Variants in CARS2 observed in about 807,000 individuals in gnomAD.
The protein encoded by CARS2 is cysteinyl-tRNA synthetase 2, mitochondrial.
Under a neutral mutation model 68.8 loss-of-function variants are expected in CARS2, and 52 were observed. The observed-to-expected ratio is 0.76, with a 90% CI of 0.61 to 0.95. The LOEUF is 0.95. CARS2 is among the 40% of genes least tolerant of loss of function. CARS2 has a pLI of 0.00. For synonymous variants in CARS2, 314 were observed against 303.6 expected, an observed-to-expected ratio of 1.03 and a Z score of -0.36; for missense variants, 780 against 754.2, an observed-to-expected ratio of 1.03 and a Z score of -0.40.
At chr13:110,711,561 G>A (rs1434043270) in intron 1 of CARS2, among the ~76,000 whole-genome samples, 1 of 152,194 alleles carries the variant, frequency 6.6e-6, no homozygotes, top group African/African-American at 2.4e-5. Flanking sequence ...AATAAATCTT[G>A]TAGAAACTAA....
intron 11 of CARS2, 180 bp downstream of exon 11, chr13:110,646,921 A>G: frequency 1.5e-6 from 1 of 685,288 alleles, no homozygotes; most frequent in Non-Finnish European, 2.3e-6. Flanking sequence ...CCCTGACCCC[A>G]CACCTGCACC....
intron 8 of CARS2, chr13:110,664,504 G>T: frequency 1.3e-6 from 1 of 742,402 alleles, no homozygotes; most frequent in Non-Finnish European, 1.6e-6. Context: ...GCCACAGAGC[G>T]AGACTCTGCC....
chr13:110,705,850 C>A lies in CARS2; in HGVS notation c.224+20G>T. The stretch of plus-strand genomic sequence containing the variant: ...CGCCACGATCGGCCCCCGCCCGTGC[C>A]CCAGTCCCGCGCGGCCCACCAGGAG... On this transcript the variant is annotated intron_variant, in intron 1 of 14. Coordinates refer to ENST00000257347, the MANE Select transcript of CARS2 (RefSeq NM_024537.4). This position sits in a 1 kb window ranked among gnomAD's most constrained non-coding sequence, Gnocchi z 4.0. The A allele has an allele frequency of 2.6e-6, 4 of 1,546,178 alleles. No individual in the cohort carries two copies. The highest frequency in any genetic ancestry group is 2.4e-5 in the East Asian group (1 of 41,368).
chr13:110,692,003 A>AT (rs1348225099), intron 3 of CARS2, among the ~76,000 whole-genome samples: 1,894 of 91,338 alleles, frequency 0.021, 21 homozygotes, highest in African/African-American at 0.044. Flanking sequence ...AAAAAAAAAA[A>AT]ATATATATAT....
intron 4 of CARS2, 43 bp from the exon 5 acceptor site, chr13:110,687,869 G>A (rs906462296): frequency 6.4e-7 from 1 of 1,553,706 alleles, no homozygotes; most frequent in Non-Finnish European, 8.9e-7. Context: ...CTCGTGAGAA[G>A]CACAGGTCAG....
At chr13:110,649,041 C>T (rs140503637) in intron 10 of CARS2, 1 of 152,396 alleles carries the variant, frequency 6.6e-6, no homozygotes, top group Non-Finnish European at 1.5e-5. Flanking sequence ...CCGCCTCTGC[C>T]CGTTTCCAGC....
upstream of CARS2, among the ~76,000 whole-genome samples, chr13:110,709,306 C>T (rs2064007769): frequency 6.6e-6 from 1 of 151,948 alleles, no homozygotes; most frequent in South Asian, 2.1e-4. Flanking sequence ...GTTAGTCAGG[C>T]TGGTCTTGAA....
chr13:110,688,120 C>T, intron 3 of CARS2, 102 bp from the exon 4 acceptor site: 1 of 678,848 alleles, frequency 1.5e-6, no homozygotes, highest in Non-Finnish European at 2.5e-6. Flanking sequence ...AGCAAACATA[C>T]CCCGGCCACC....
chr13:110,665,749 G>A lies in CARS2; in HGVS notation c.919+1591C>T. ...AGCCCTGAACGAAGTCAACGAGGAAGTGACTTCGGGGCAATCAGCCTCATC... is the reference window on the plus strand; with the variant it reads ...AGCCCTGAACGAAGTCAACGAGGAAATGACTTCGGGGCAATCAGCCTCATC... On this transcript the variant is annotated intron_variant, in intron 8 of 14. Coordinates refer to ENST00000257347, the MANE Select transcript of CARS2 (RefSeq NM_024537.4). The surrounding 1 kb of genome is among the most constrained non-coding windows in gnomAD (Gnocchi z 4.3). 12 of 985,432 alleles carry A rather than the reference G, an allele frequency of 1.2e-5. No individual in the cohort carries two copies. The highest frequency in any genetic ancestry group is 1.4e-5 in the Non-Finnish European group (12 of 829,934). The allele number at this position is 985,432 out of a possible 1,614,324, so 61.0% of individuals were successfully genotyped here.
At chr13:110,671,264 A>G (rs1425266038) in intron 7 of CARS2, among the ~76,000 whole-genome samples, 2 of 152,202 alleles carry the variant, frequency 1.3e-5, no homozygotes, top group African/African-American at 4.8e-5. Flanking sequence ...CATAATTGTC[A>G]GATTCACCAA....
intron 10 of CARS2, among the ~76,000 whole-genome samples, chr13:110,647,748 G>A (rs1888344221): frequency 6.6e-6 from 1 of 152,286 alleles, no homozygotes; most frequent in South Asian, 2.1e-4. Flanking sequence ...GTGTTTCTTA[G>A]GCCACCTGGA....
At chr13:110,712,225 C>G (rs1211462662) in intron 1 of CARS2, 1 of 153,370 alleles carries the variant, frequency 6.5e-6, no homozygotes, top group Non-Finnish European at 1.5e-5. Context: ...CAGGCAGCAC[C>G]ACCAACCCGG....
In CARS2 at chr13:110,705,673, G is replaced by T. The variant is rs1271179664; in HGVS notation, c.225-102C>A. On this transcript the variant is annotated intron_variant, in intron 1 of 14. Transcript: ENST00000257347. The surrounding 1 kb of genome is among the most constrained non-coding windows in gnomAD (Gnocchi z 4.0). Reference sequence around the variant, plus strand: ...TATAATTTTTAAAGTAATCACTTCTGGGGGATGAATAGCCGGGGTTTTCAT... The same window carrying T: ...TATAATTTTTAAAGTAATCACTTCTTGGGGATGAATAGCCGGGGTTTTCAT... The T allele has an allele frequency of 6.8e-7, 1 of 1,465,350 alleles. No individual in the cohort carries two copies. The highest frequency in any genetic ancestry group is 1.2e-5 in the South Asian group (1 of 84,320). 90.8% of individuals were successfully genotyped at this position (1,465,350 alleles called of 1,614,324 possible).
chr13:110,699,902 G>C (rs2063734051), intron 3 of CARS2, among the ~76,000 whole-genome samples: 3 of 152,230 alleles, frequency 2.0e-5, no homozygotes, highest in Admixed American at 2.0e-4. Context: ...CATCCACTGT[G>C]TCTTCCCAAA....
chr13:110,694,274 C>T (rs868194273), intron 3 of CARS2, among the ~76,000 whole-genome samples: 1 of 151,692 alleles, frequency 6.6e-6, no homozygotes, highest in Non-Finnish European at 1.5e-5. Context: ...GATCCTCCCA[C>T]CTCGGCCTCC....
chr13:110,648,116 C>T (rs997443664), intron 10 of CARS2, among the ~76,000 whole-genome samples: 1 of 152,248 alleles, frequency 6.6e-6, no homozygotes, highest in Non-Finnish European at 1.5e-5. Context: ...GGAAGCAACA[C>T]AGTGAAAACC....
chr13:110,704,285 C>T (rs1489460228), intron 2 of CARS2, among the ~76,000 whole-genome samples: 1 of 152,100 alleles, frequency 6.6e-6, no homozygotes, highest in East Asian at 1.9e-4. Context: ...TTCTCTTCTA[C>T]CTTTGTGGAA....
At chr13:110,679,577 A>AAGAG (rs1555352915) in intron 6 of CARS2, among the ~76,000 whole-genome samples, 1 of 66,384 alleles carries the variant, frequency 1.5e-5, no homozygotes, top group African/African-American at 7.1e-5. Flanking sequence ...AAGAGAGAGA[A>AAGAG]AGAAAGAAAG....
chr13:110,710,802 A>C (rs970906756), upstream of CARS2, among the ~76,000 whole-genome samples: 2 of 152,244 alleles, frequency 1.3e-5, no homozygotes, highest in African/African-American at 4.8e-5. Context: ...CGCACGGACC[A>C]GTAGTTGGCA....
Sources: gnomAD v4.1 joint callset for allele counts (sites outside exome capture counted in the v4.1 genomes callset) on GRCh38, gnomAD v4.1.1 for gene constraint, Gnocchi (gnomAD v3.1) non-coding constraint, MANE v1.5 for transcripts, NCBI Gene and HGNC (gene_info 2026-07-23, HGNC 2026-07-21) for gene names.